RTN4RL1: variants seen among roughly 807,000 people sequenced by gnomAD.
RTN4RL1 encodes the protein reticulon-4 receptor-like 1.
In RTN4RL1, 7 loss-of-function variants were observed where a neutral mutation model predicts 25.6. That is an observed-to-expected ratio of 0.27 (90% CI 0.16 to 0.51). The LOEUF is 0.51. Ranked by LOEUF, RTN4RL1 falls within the 20% of genes least tolerant of loss-of-function variation. RTN4RL1 has a pLI of 0.97. For missense variants in RTN4RL1, 500 were observed against 615.6 expected (o/e 0.81, Z 1.99); for synonymous variants, 297 against 288.2 (o/e 1.03, Z -0.31).
At chr17:2,021,547 A>G (rs960243240) in intron 1 of RTN4RL1, among the ~76,000 whole-genome samples, 6 of 139,662 alleles carry the variant, frequency 4.3e-5, no homozygotes, top group African/African-American at 1.3e-4. Context: ...AACACATCCT[A>G]TACCTTTTTT....
At chr17:1,960,140 C>T (rs1915865635) in intron 1 of RTN4RL1, among the ~76,000 whole-genome samples, 2 of 152,112 alleles carry the variant, frequency 1.3e-5, no homozygotes, top group African/African-American at 4.8e-5. Context: ...CTAAGTCCCA[C>T]TGGCCCCACC....
intron 1 of RTN4RL1, among the ~76,000 whole-genome samples, chr17:2,018,491 G>A (rs1275406519): frequency 1.3e-5 from 2 of 152,180 alleles, no homozygotes; most frequent in African/African-American, 4.8e-5. Flanking sequence ...AACCGCAGAG[G>A]GGAGTGCATA....
intron 1 of RTN4RL1, among the ~76,000 whole-genome samples, chr17:1,992,581 G>A (rs2066914249): frequency 6.6e-6 from 1 of 152,176 alleles, no homozygotes; most frequent in South Asian, 2.1e-4. Flanking sequence ...TATTATTATC[G>A]CTGTTGTGAT....
intron 1 of RTN4RL1, among the ~76,000 whole-genome samples, chr17:1,968,621 C>T (rs538567592): frequency 6.6e-6 from 1 of 152,280 alleles, no homozygotes; most frequent in African/African-American, 2.4e-5. Context: ...CTGCATGTGC[C>T]ATGTTCCCTC....
chr17:1,952,176 G>A (rs992269429), intron 1 of RTN4RL1, among the ~76,000 whole-genome samples: 3 of 152,192 alleles, frequency 2.0e-5, no homozygotes, highest in East Asian at 1.9e-4. Context: ...AGTAAGTCAC[G>A]GGGTCCAGCT....
chr17:1,961,457 G>C (rs910745562), intron 1 of RTN4RL1, among the ~76,000 whole-genome samples: 2 of 152,154 alleles, frequency 1.3e-5, no homozygotes, highest in Admixed American at 6.5e-5. Flanking sequence ...TCCCCTAACT[G>C]ATTGGCATTC....
intron 1 of RTN4RL1, among the ~76,000 whole-genome samples, chr17:1,958,348 C>T (rs180797795): frequency 6.6e-5 from 10 of 152,350 alleles, no homozygotes; most frequent in Non-Finnish European, 1.3e-4. Context: ...CATCGGCCCC[C>T]GCCAGTGCCC....
At chr17:2,017,205 G>C (rs1410544046) in intron 1 of RTN4RL1, among the ~76,000 whole-genome samples, 3 of 152,228 alleles carry the variant, frequency 2.0e-5, no homozygotes, top group African/African-American at 7.2e-5. Flanking sequence ...GATGATTTTG[G>C]AGGCAGAAGC....
chr17:1,981,595 T>C (rs1467103674), intron 1 of RTN4RL1, among the ~76,000 whole-genome samples: 2 of 152,206 alleles, frequency 1.3e-5, no homozygotes, highest in Non-Finnish European at 2.9e-5. Context: ...TAGGCTGACC[T>C]GGTCCACCCT....
At chr17:2,006,158 A>ATT (rs781005282) in intron 1 of RTN4RL1, among the ~76,000 whole-genome samples, 3,180 of 124,404 alleles carry the variant, frequency 0.026, 106 homozygotes, top group African/African-American at 0.085. Context: ...GAGGTTTGCA[A>ATT]TTTTTTTTTT....
At chr17:1,968,493 T>A (rs1352907388) in intron 1 of RTN4RL1, among the ~76,000 whole-genome samples, 1 of 152,212 alleles carries the variant, frequency 6.6e-6, no homozygotes, top group African/African-American at 2.4e-5. Flanking sequence ...TCAGCTCCGA[T>A]GGTGTCACTC....
In RTN4RL1 at chr17:1,936,898, C is replaced by T. The variant is rs571649760; in HGVS notation, c.924G>A (p.Ala308=). 1.9e-5 allele frequency: 31 copies of T among 1,608,062 alleles called. No homozygotes were observed. The highest frequency in any genetic ancestry group is 3.3e-4 in the Middle Eastern group (2 of 6,026). ...AEDFRNCTGP[A]SPHQIKSHTL... ...TGTGTGACTTGATCTGGTGCGGGGACGCTGGTCCCGTGCAGTTCCGGAAGT... is the reference window on the plus strand; with the variant it reads ...TGTGTGACTTGATCTGGTGCGGGGATGCTGGTCCCGTGCAGTTCCGGAAGT... The change falls in exon 2 of 2, where the codon GCG becomes GCA. Residue 308 remains alanine, a synonymous_variant. Transcript: ENST00000331238.
intron 1 of RTN4RL1, among the ~76,000 whole-genome samples, chr17:2,024,534 T>C (rs965620498): frequency 1.3e-5 from 2 of 152,064 alleles, no homozygotes; most frequent in African/African-American, 4.8e-5. Context: ...TGCAAAACTT[T>C]ATCCCAGCAA....
At chr17:1,956,761 A>G (rs1915802530) in intron 1 of RTN4RL1, among the ~76,000 whole-genome samples, 1 of 116,390 alleles carries the variant, frequency 8.6e-6, no homozygotes, top group Admixed American at 9.5e-5. Context: ...TTTTTTTTTT[A>G]AGATGGAGTC....
chr17:1,956,264 C>T (rs1442270814), intron 1 of RTN4RL1, among the ~76,000 whole-genome samples: 2 of 152,190 alleles, frequency 1.3e-5, no homozygotes, highest in Non-Finnish European at 2.9e-5. Context: ...TCAAACACCA[C>T]GCCCAGATAC....
At position 1,997,975 on chromosome 17, in the gene RTN4RL1, T is replaced by A. The variant is rs569242014; in HGVS notation, c.13+26878A>T. Reference sequence around the variant, plus strand: ...GCGCAGGTGCCTTCGGTTGGGCTCCTGGGTCTGGGGCCTGGGGGCGGGCAG... The same window carrying A: ...GCGCAGGTGCCTTCGGTTGGGCTCCAGGGTCTGGGGCCTGGGGGCGGGCAG... On this transcript the variant is annotated intron_variant, in intron 1 of 1. Transcript: ENST00000331238. 3.3e-5 allele frequency among the ~76,000 whole-genome samples: 5 copies of A among 152,268 alleles called. No homozygotes were observed. In the East Asian group the frequency reaches 9.7e-4, roughly 30 times the overall value.
At chr17:1,951,554 G>T (rs1478398159) in intron 1 of RTN4RL1, among the ~76,000 whole-genome samples, 1 of 151,852 alleles carries the variant, frequency 6.6e-6, no homozygotes, top group East Asian at 2.0e-4. Flanking sequence ...GAGTTCAAGC[G>T]ATTCTCCTGC....
intron 1 of RTN4RL1, among the ~76,000 whole-genome samples, chr17:2,007,941 G>A (rs975193343): frequency 4.7e-5 from 7 of 149,230 alleles, no homozygotes; most frequent in Non-Finnish European, 7.4e-5. Flanking sequence ...GCAAGACTCC[G>A]TCTCAAAAAA....
At chr17:1,992,719 A>G (rs1407011988) in intron 1 of RTN4RL1, among the ~76,000 whole-genome samples, 1 of 152,252 alleles carries the variant, frequency 6.6e-6, no homozygotes, top group Non-Finnish European at 1.5e-5. Context: ...GAGCTGAGAC[A>G]GGCAGTTCCC....
Sources: allele counts gnomAD v4.1 joint callset (sites outside exome capture counted in the v4.1 genomes callset), GRCh38; gene constraint gnomAD v4.1.1; transcripts MANE v1.5; gene names NCBI Gene and HGNC (gene_info 2026-07-23, HGNC 2026-07-21).